Variants in DAW1 observed in about 807,000 individuals in gnomAD.
The protein encoded by DAW1 is dynein assembly factor with WD repeats 1, also known as dynein assembly factor with WD repeat domains 1.
DAW1 carries 47 observed loss-of-function variants against 56.5 expected under a neutral mutation model. The observed-to-expected ratio is 0.83, with a 90% CI of 0.66 to 1.06. The LOEUF is 1.06. Ranked by LOEUF, DAW1 falls within the 50% of genes least tolerant of loss-of-function variation. The pLI is 0.00. For missense variants in DAW1, 505 were observed against 499.3 expected (o/e 1.01, Z -0.11); for synonymous variants, 190 against 179.0 (o/e 1.06, Z -0.49).
At chr2:227,872,104 A>G (rs1426600519) in intron 1 of DAW1, 1 of 222,334 alleles carries the variant, frequency 4.5e-6, no homozygotes, top group Non-Finnish European at 8.8e-6. Flanking sequence ...TTAGTAACAT[A>G]AGCAATACAT....
Position 227,898,231 on chromosome 2 carries a change from G to A in DAW1, c.490G>A (p.Val164Met), listed in dbSNP as rs552962202. ...TGATAAAACTTGTAAACTCTGGAGT[G>A]TGGAAACAGGAAAATGTTACCATAC... ...SFDKTCKLWS[V>M]ETGKCYHTFR... Residue 164 changes from valine to methionine, a missense_variant, in exon 6 of 13, where the codon GTG becomes ATG. Coordinates refer to ENST00000309931, the MANE Select transcript of DAW1 (RefSeq NM_178821.3). The A allele has an allele frequency of 5.1e-6, 8 of 1,578,158 alleles. No individual in the cohort carries two copies. In the African/African-American group the frequency reaches 8.0e-5, roughly 16 times the overall value.
rs578227995 is a variant in DAW1, at chr2:227,886,462, C to G, written c.113+1039C>G. On this transcript the variant is annotated intron_variant, in intron 2 of 12. Coordinates refer to ENST00000309931, the MANE Select transcript of DAW1 (RefSeq NM_178821.3). Reference sequence around the variant, plus strand: ...GGAAACTCCGTCTCTACTAAAAATACAAAAATTAGCCAGGCATGGTGGTGC... The same window carrying G: ...GGAAACTCCGTCTCTACTAAAAATAGAAAAATTAGCCAGGCATGGTGGTGC... Among the ~76,000 whole-genome samples the G allele has an allele frequency of 7.9e-5, 12 of 152,148 alleles. No individual in the cohort carries two copies. In the East Asian group the frequency reaches 2.3e-3, roughly 29 times the overall value.
chr2:227,903,609 G>A (rs898696960), intron 7 of DAW1, among the ~76,000 whole-genome samples: 1 of 151,778 alleles, frequency 6.6e-6, no homozygotes, highest in Non-Finnish European at 1.5e-5. Flanking sequence ...TCACCACCAT[G>A]TGCCCAGCAC....
At chr2:227,882,295 A>G (rs573304879) in intron 1 of DAW1, among the ~76,000 whole-genome samples, 2 of 152,334 alleles carry the variant, frequency 1.3e-5, no homozygotes, top group South Asian at 4.1e-4. Flanking sequence ...CCTTTTCTAC[A>G]CTGTGCTGAC....
intron 10 of DAW1, among the ~76,000 whole-genome samples, chr2:227,907,586 T>C (rs1160583275): frequency 3.3e-5 from 5 of 152,186 alleles, no homozygotes; most frequent in Non-Finnish European, 7.3e-5. Flanking sequence ...CTCACTCTGT[T>C]GCCCAGGCTG....
intron 10 of DAW1, among the ~76,000 whole-genome samples, chr2:227,911,455 C>A (rs1473936401): frequency 6.6e-6 from 1 of 150,596 alleles, no homozygotes; most frequent in African/African-American, 2.4e-5. Flanking sequence ...CACAATTCAG[C>A]ATATAATAGC....
chr2:227,909,416 A>G (rs1416828940), intron 10 of DAW1, among the ~76,000 whole-genome samples: 1 of 148,594 alleles, frequency 6.7e-6, no homozygotes, highest in Non-Finnish European at 1.5e-5. Flanking sequence ...TTCTGTTTAT[A>G]GTATATATAG....
intron 8 of DAW1, 60 bp downstream of exon 8, chr2:227,905,095 G>C (rs1691648253): frequency 1.4e-6 from 2 of 1,466,006 alleles, no homozygotes; most frequent in Non-Finnish European, 1.9e-6. Flanking sequence ...AAAACCCTCT[G>C]TTATTTTTTA....
intron 6 of DAW1, among the ~76,000 whole-genome samples, chr2:227,900,590 C>T (rs1205657138): frequency 6.6e-6 from 1 of 152,182 alleles, no homozygotes; most frequent in Non-Finnish European, 1.5e-5. Flanking sequence ...TCAGGAAAGA[C>T]TTCCCAGAGG....
At chr2:227,885,521 A>C in intron 2 of DAW1, 98 bp downstream of exon 2, 1 of 888,964 alleles carries the variant, frequency 1.1e-6, no homozygotes, top group Non-Finnish European at 1.7e-6. Flanking sequence ...ATAATACATT[A>C]TGTTTTAAAA....
Position 227,892,618 on chromosome 2 carries a change from G to A in DAW1, c.318-1177G>A, listed in dbSNP as rs533040831. ...AGTTTGCATCTGTCCAAAGGTAGAA[G>A]AAGTCTGTGGGAGAAGATGGTAGAA... On this transcript the variant is annotated intron_variant, in intron 4 of 12. Coordinates refer to ENST00000309931, the MANE Select transcript of DAW1 (RefSeq NM_178821.3). 3.2e-3 allele frequency among the ~76,000 whole-genome samples: 492 copies of A among 152,292 alleles called. 1 individual carries two copies. Among genetic ancestry groups the A allele is most frequent in the African/African-American group, 0.011 (464 of 41,552 alleles).
rs146541332 is a variant in DAW1, at chr2:227,874,473, T to C, written c.40+2744T>C. ...AGATCTCCAATGACATTCACATTGC[T>C]AATCTACTGGCCAAGCCACAGTCCT... On this transcript the variant is annotated intron_variant, in intron 1 of 12. Coordinates refer to ENST00000309931, the MANE Select transcript of DAW1 (RefSeq NM_178821.3). Among the ~76,000 whole-genome samples the C allele has an allele frequency of 5.3e-5, 8 of 152,336 alleles. No individual in the cohort carries two copies. The East Asian group carries it at 1.2e-3, about 22-fold the overall frequency.
intron 1 of DAW1, among the ~76,000 whole-genome samples, chr2:227,880,470 C>G (rs16824083): frequency 0.07 from 10,521 of 150,370 alleles, 1,259 homozygotes; most frequent in African/African-American, 0.25. Flanking sequence ...GCTTTTGATC[C>G]TAGAGTTTGG....
rs77309642 is a variant in DAW1 at position 227,885,131 on chromosome 2, A to G, written c.41-220A>G. On this transcript the variant is annotated intron_variant, in intron 1 of 12. Transcript: ENST00000309931. The stretch of plus-strand genomic sequence containing the variant: ...ACTTTCTATTATTTTTTCATTGTCT[A>G]TTGGACAATTTCAAGGGTATTTAGT... 8.4e-3 allele frequency among the ~76,000 whole-genome samples: 1,276 copies of G among 152,202 alleles called. 7 individuals carry two copies. The highest frequency in any genetic ancestry group is 0.014 in the Middle Eastern group (4 of 294).
At chr2:227,906,740 C>T (rs561427504) in intron 9 of DAW1, among the ~76,000 whole-genome samples, 5 of 152,254 alleles carry the variant, frequency 3.3e-5, no homozygotes, top group African/African-American at 1.2e-4. Flanking sequence ...GTTTATGTAA[C>T]AAATATAATC....
intron 12 of DAW1, among the ~76,000 whole-genome samples, chr2:227,922,462 G>A (rs1207416298): frequency 6.6e-6 from 1 of 152,218 alleles, no homozygotes; most frequent in African/African-American, 2.4e-5. Context: ...GGGAGGCCTT[G>A]GCAGGGAATG....
At chr2:227,923,260 T>C (rs1401262438) in intron 12 of DAW1, among the ~76,000 whole-genome samples, 4 of 152,192 alleles carry the variant, frequency 2.6e-5, no homozygotes, top group African/African-American at 7.2e-5. Context: ...TGGACCCTGG[T>C]GTGATAAACT....
At position 227,918,801 on chromosome 2, in the gene DAW1, C is replaced by T. The variant is rs1197525721; in HGVS notation, c.995C>T (p.Ala332Val). The T allele has an allele frequency of 3.1e-6, 5 of 1,614,076 alleles. No individual in the cohort carries two copies. The highest frequency in any genetic ancestry group is 4.2e-6 in the Non-Finnish European group (5 of 1,180,004). The change falls in exon 11 of 13, where the codon GCT (alanine) becomes GTT (valine). Residue 332 changes from alanine (A) to valine (V), a missense_variant. Transcript: ENST00000309931. Reference protein sequence around the residue: ...SADGTARIFSAATRKCIAKLE... With the variant: ...SADGTARIFSVATRKCIAKLE... Reference sequence around the variant, plus strand: ...AAAGGAACAGCAAGAATTTTCAGTGCTGCCACAAGAAAATGCATTGCCAAA... The same window carrying T: ...AAAGGAACAGCAAGAATTTTCAGTGTTGCCACAAGAAAATGCATTGCCAAA...
intron 10 of DAW1, among the ~76,000 whole-genome samples, chr2:227,914,490 T>C (rs1691905676): frequency 6.6e-6 from 1 of 152,250 alleles, no homozygotes; most frequent in African/African-American, 2.4e-5. Flanking sequence ...GCCATCATAT[T>C]GATATCCATA....
Sources: allele counts gnomAD v4.1 joint callset (sites outside exome capture counted in the v4.1 genomes callset), GRCh38; gene constraint gnomAD v4.1.1; transcripts MANE v1.5; gene names NCBI Gene and HGNC (gene_info 2026-07-23, HGNC 2026-07-21).